Variants in WFDC13 observed in about 807,000 individuals in gnomAD.
The protein encoded by WFDC13 is WAP four-disulfide core domain protein 13.
WFDC13 carries 6 observed loss-of-function variants against 10.9 expected under a neutral mutation model. The ratio of observed to expected loss-of-function variants is 0.55; its 90% CI spans 0.30 to 1.09. WFDC13 has a LOEUF of 1.09. Ranked by LOEUF, WFDC13 falls within the 50% of genes least tolerant of loss-of-function variation. WFDC13 has a pLI of 0.06. For synonymous variants in WFDC13, 38 were observed against 39.5 expected, an observed-to-expected ratio of 0.96 and a Z score of 0.14; for missense variants, 104 against 109.6, an observed-to-expected ratio of 0.95 and a Z score of 0.23.
intron 3 of WFDC13, among the ~76,000 whole-genome samples, chr20:45,707,657 T>C (rs1301311698): frequency 6.6e-6 from 1 of 152,152 alleles, no homozygotes; most frequent in Admixed American, 6.5e-5. Flanking sequence ...AAGGTGATCA[T>C]GACAGAGGAC....
At chr20:45,707,623 T>G (rs752864799) in intron 3 of WFDC13, among the ~76,000 whole-genome samples, 16 of 152,200 alleles carry the variant, frequency 1.1e-4, no homozygotes, top group African/African-American at 1.4e-4. Context: ...ATAAAGCTGA[T>G]GTCTAAAAAA....
In WFDC13 at chr20:45,708,212, G is replaced by C. The variant is rs1984471244; in HGVS notation, c.*377G>C. On this transcript the variant is annotated 3_prime_UTR_variant, in exon 4 of 4. Coordinates refer to ENST00000305479, the MANE Select transcript of WFDC13 (RefSeq NM_172005.2). ...ACCTGCCCTTGGTTGCACTCATCAGGCTAATTGATCCCATATTTAACCTCA... is the reference window on the plus strand; with the variant it reads ...ACCTGCCCTTGGTTGCACTCATCAGCCTAATTGATCCCATATTTAACCTCA... The C allele has an allele frequency of 2.0e-5, 3 of 152,146 alleles. No homozygotes were observed. The highest frequency in any genetic ancestry group is 6.5e-5 in the Admixed American group (1 of 15,268). 9.4% of individuals were successfully genotyped at this position (152,146 alleles called of 1,614,324 possible).
rs1245603267 is a variant in WFDC13, at chr20:45,704,679, G to C, written c.239+85G>C. On this transcript the variant is annotated intron_variant, in intron 2 of 3. Transcript: ENST00000305479. ...GAGTCCCTTACCAGCAACTGTGCTG[G>C]ATCTCTCCTTTTTTTTTTTTTTCCT... is the stretch of plus-strand genomic sequence containing the variant. 4 of 1,511,862 alleles carry C rather than the reference G, an allele frequency of 2.6e-6. No homozygotes were observed. The Middle Eastern group carries it at 7.2e-4, about 270-fold the overall frequency. 93.7% of individuals were successfully genotyped at this position (1,511,862 alleles called of 1,614,324 possible). A position where few individuals can be genotyped will look rare whatever the true frequency, so the allele number is the denominator to read the frequency against.
chr20:45,705,859 A>C lies in WFDC13; in HGVS notation c.240-4A>C. 1 of 1,613,324 alleles carries C rather than the reference A, an allele frequency of 6.2e-7. No homozygotes were observed. Among genetic ancestry groups the C allele is most frequent in the Non-Finnish European group, 8.5e-7 (1 of 1,179,742 alleles). On this transcript the variant is annotated splice_region_variant and splice_polypyrimidine_tract_variant and intron_variant, in intron 2 of 3. Transcript: ENST00000305479. ...TAATATTTGAAAATATTTTTCTTCT[A>C]CAGAATCAAACACAAGGGCTCAGAA...
At chr20:45,704,172 G>A (rs1489663421) in intron 1 of WFDC13, among the ~76,000 whole-genome samples, 1 of 152,180 alleles carries the variant, frequency 6.6e-6, no homozygotes, top group East Asian at 1.9e-4. Context: ...GTCAATGGGG[G>A]CTTGGCATCT....
At chr20:45,707,614 T>C (rs1449546591) in intron 3 of WFDC13, among the ~76,000 whole-genome samples, 1 of 152,150 alleles carries the variant, frequency 6.6e-6, no homozygotes, top group Non-Finnish European at 1.5e-5. Context: ...TTAAGCTACA[T>C]AAAGCTGATG....
chr20:45,706,112 G>A (rs1984382079), intron 3 of WFDC13, among the ~76,000 whole-genome samples, 185 bp downstream of exon 3: 1 of 152,134 alleles, frequency 6.6e-6, no homozygotes, highest in Non-Finnish European at 1.5e-5. Flanking sequence ...GGGAGGCACG[G>A]TGCAGTCCAG....
intron 2 of WFDC13, among the ~76,000 whole-genome samples, chr20:45,705,331 G>A (rs1169753072): frequency 6.6e-6 from 1 of 152,218 alleles, no homozygotes; most frequent in East Asian, 1.9e-4. Context: ...AAGCCTGGCA[G>A]TCTTGTTCCC....
rs139926068 is a variant in WFDC13, at chr20:45,707,670, C to T, written c.*23-188C>T. 2.4e-4 allele frequency among the ~76,000 whole-genome samples: 36 copies of T among 152,162 alleles called. No homozygotes were observed. In the East Asian group the frequency reaches 6.6e-3, roughly 28 times the overall value. ...TAAAGGTGATCATGACAGAGGACAC[C>T]CTCTATGACAGCCTCATGTTAGACT... On this transcript the variant is annotated intron_variant, in intron 3 of 3. Transcript: ENST00000305479.
At chr20:45,704,793 A>G (rs1167840200) in intron 2 of WFDC13, 199 bp downstream of exon 2, 2 of 1,283,580 alleles carry the variant, frequency 1.6e-6, no homozygotes, top group East Asian at 2.3e-5. Flanking sequence ...TCCCCTCCCA[A>G]TCACCACATC....
chr20:45,705,888 A>G lies in WFDC13; in HGVS notation c.265A>G (p.Ile89Val). The change falls in exon 3 of 4, where the codon ATC becomes GTC. Residue 89 changes from isoleucine to valine, a missense_variant. Coordinates refer to ENST00000305479, the MANE Select transcript of WFDC13 (RefSeq NM_172005.2). Reference sequence around the variant, plus strand: ...AATCAAACACAAGGGCTCAGAAGTCATCATGCCTGCCAACTGAGGCATATT... The same window carrying G: ...AATCAAACACAAGGGCTCAGAAGTCGTCATGCCTGCCAACTGAGGCATATT... ...NRIKHKGSEV[I>V]MPAN is the part of the protein sequence containing the mutation. 1 of 1,614,126 alleles carries G rather than the reference A, an allele frequency of 6.2e-7. No individual in the cohort carries two copies. Among genetic ancestry groups the G allele is most frequent in the Middle Eastern group, 1.6e-4 (1 of 6,062 alleles).
At chr20:45,706,141 G>A (rs1984382597) in intron 3 of WFDC13, among the ~76,000 whole-genome samples, 1 of 152,144 alleles carries the variant, frequency 6.6e-6, no homozygotes, top group Admixed American at 6.5e-5. Context: ...CTGCAACACA[G>A]AGCAATGTAA....
At chr20:45,705,997 C>A in intron 3 of WFDC13, 70 bp downstream of exon 3, 2 of 1,346,236 alleles carry the variant, frequency 1.5e-6, no homozygotes, top group Non-Finnish European at 2.1e-6. Context: ...CTTCCTGTAG[C>A]CTCACCAGGG....
intron 3 of WFDC13, among the ~76,000 whole-genome samples, chr20:45,706,532 C>T (rs1054768260): frequency 1.3e-5 from 2 of 151,260 alleles, no homozygotes; most frequent in African/African-American, 2.4e-5. Context: ...CCAGCACTTT[C>T]GGAGGCCAAG....
intron 2 of WFDC13, chr20:45,704,895 C>T (rs770248589): frequency 8.1e-6 from 13 of 1,612,652 alleles, no homozygotes; most frequent in Non-Finnish European, 1.1e-5. Flanking sequence ...CCAGAATCCA[C>T]CCTTATCCCA....
At chr20:45,702,647 G>T (rs909753596) in intron 1 of WFDC13, among the ~76,000 whole-genome samples, 1 of 152,186 alleles carries the variant, frequency 6.6e-6, no homozygotes, top group Non-Finnish European at 1.5e-5. Context: ...CATAACCTTG[G>T]CCTTGGAGGA....
At chr20:45,704,769 T>C in intron 2 of WFDC13, 175 bp downstream of exon 2, 1 of 1,310,936 alleles carries the variant, frequency 7.6e-7, no homozygotes, top group Non-Finnish European at 1.1e-6. Context: ...AAGTCCTGAT[T>C]AGAAAAGCCC....
At chr20:45,705,014 G>A (rs775199606) in intron 2 of WFDC13, 2 of 1,612,360 alleles carry the variant, frequency 1.2e-6, no homozygotes, top group Non-Finnish European at 1.7e-6. Flanking sequence ...AGTGTTCTTG[G>A]GCTCTGGAGA....
chr20:45,703,713 G>A (rs768995221), intron 1 of WFDC13, among the ~76,000 whole-genome samples: 11 of 152,224 alleles, frequency 7.2e-5, no homozygotes, highest in Middle Eastern at 3.4e-3. Flanking sequence ...GAAATACTTG[G>A]GGGTAGGGGA....
Sources: gnomAD v4.1 joint callset for allele counts (sites outside exome capture counted in the v4.1 genomes callset) on GRCh38, gnomAD v4.1.1 for gene constraint, MANE v1.5 for transcripts, NCBI Gene and HGNC (gene_info 2026-07-23, HGNC 2026-07-21) for gene names.